Variants in ANKH observed in about 807,000 individuals in gnomAD.
ANKH encodes ANKH inorganic pyrophosphate transport regulator, also known as mineralization regulator ANKH.
A neutral mutation model predicts 49.0 loss-of-function variants in ANKH; 15 were observed. That is an observed-to-expected ratio of 0.31 (90% CI 0.20 to 0.47). The LOEUF is 0.47. ANKH is among the 20% of genes least tolerant of loss of function. ANKH has a pLI of 1.00. For synonymous variants in ANKH, 273 were observed against 260.0 expected (o/e 1.05, Z -0.48); for missense variants, 429 against 652.0 (o/e 0.66, Z 3.72).
intron 1 of ANKH, among the ~76,000 whole-genome samples, chr5:14,857,907 G>A (rs1346011152): frequency 6.6e-6 from 1 of 152,120 alleles, no homozygotes; most frequent in Non-Finnish European, 1.5e-5. Context: ...AGGGGTGTGG[G>A]GCCGCTCTGC....
intron 8 of ANKH, chr5:14,717,120 G>T (rs780809139): frequency 3.4e-5 from 14 of 410,432 alleles, no homozygotes; most frequent in Non-Finnish European, 6.0e-5. Flanking sequence ...GAGCAGACCC[G>T]TTCAGAACCA....
At chr5:14,793,630 G>A (rs1371107673) in intron 1 of ANKH, among the ~76,000 whole-genome samples, 2 of 152,210 alleles carry the variant, frequency 1.3e-5, no homozygotes, top group African/African-American at 4.8e-5. Flanking sequence ...AGGAATGGTG[G>A]CTGCAAATCT....
rs1324434792 is a variant in ANKH at position 14,709,362 on chromosome 5, G to A, written c.*1835C>T. On this transcript the variant is annotated 3_prime_UTR_variant, in exon 12 of 12. Transcript: ENST00000284268. Reference sequence around the variant, plus strand: ...TCTGAAACCACTGCAAAGCAGCTATGCAACTTAATTTTTCAGTACTCATAT... The same window carrying A: ...TCTGAAACCACTGCAAAGCAGCTATACAACTTAATTTTTCAGTACTCATAT... 6.6e-6 allele frequency: 1 copy of A among 152,086 alleles called. No individual in the cohort carries two copies. The highest frequency in any genetic ancestry group is 1.5e-5 in the Non-Finnish European group (1 of 68,028). 9.4% of individuals were successfully genotyped at this position (152,086 alleles called of 1,614,324 possible).
chr5:14,790,408 AAAACACT>A (rs1255013374), intron 1 of ANKH, among the ~76,000 whole-genome samples: 2 of 152,224 alleles, frequency 1.3e-5, no homozygotes, highest in Non-Finnish European at 2.9e-5. Flanking sequence ...CCAACTTTGA[AAAACACT>A]CAATCCACCT....
intron 1 of ANKH, among the ~76,000 whole-genome samples, chr5:14,849,244 T>C (rs1448146034): frequency 1.3e-5 from 2 of 152,218 alleles, no homozygotes; most frequent in Non-Finnish European, 2.9e-5. Context: ...AAAAGTCTTT[T>C]CTCTTCCATC....
intron 1 of ANKH, chr5:14,788,086 A>G (rs1179707120): frequency 6.6e-6 from 1 of 152,222 alleles, no homozygotes; most frequent in African/African-American, 2.4e-5. Flanking sequence ...GCTGGGTCCA[A>G]GAAGGCTTCT....
chr5:14,854,862 C>T (rs1217341197), intron 1 of ANKH, among the ~76,000 whole-genome samples: 1 of 152,126 alleles, frequency 6.6e-6, no homozygotes, highest in African/African-American at 2.4e-5. Context: ...GCCAGAATAG[C>T]CTCTTAACTG....
intron 1 of ANKH, among the ~76,000 whole-genome samples, chr5:14,811,710 C>G (rs1459199615): frequency 6.6e-6 from 1 of 152,186 alleles, no homozygotes; most frequent in Non-Finnish European, 1.5e-5. Flanking sequence ...TAGGGTCTAA[C>G]TCAAAGAGGA....
intron 6 of ANKH, 111 bp downstream of exon 6, chr5:14,749,061 T>C: frequency 6.8e-7 from 1 of 1,473,576 alleles, no homozygotes; most frequent in Non-Finnish European, 9.4e-7. Flanking sequence ...TGTCATGTAA[T>C]TTAATATTGG....
At chr5:14,849,827 G>C (rs916763423) in intron 1 of ANKH, among the ~76,000 whole-genome samples, 1 of 152,072 alleles carries the variant, frequency 6.6e-6, no homozygotes, top group Non-Finnish European at 1.5e-5. Flanking sequence ...ACGGTCACTC[G>C]GATGTGCATC....
At chr5:14,736,875 G>C (rs1322330626) in intron 8 of ANKH, among the ~76,000 whole-genome samples, 1 of 152,220 alleles carries the variant, frequency 6.6e-6, no homozygotes, top group Non-Finnish European at 1.5e-5. Flanking sequence ...CAGAGGCCAA[G>C]CCTGTGCTTT....
chr5:14,755,750 C>T, intron 4 of ANKH, 111 bp downstream of exon 4: 3 of 1,010,278 alleles, frequency 3.0e-6, no homozygotes, highest in East Asian at 4.9e-5. Flanking sequence ...CTGGCAAAAC[C>T]AGGTCGAATG....
chr5:14,835,567 C>T (rs1741628265), intron 1 of ANKH, among the ~76,000 whole-genome samples: 1 of 152,192 alleles, frequency 6.6e-6, no homozygotes. Flanking sequence ...GGTTACTATG[C>T]GTTTCTGGCT....
chr5:14,845,656 G>A (rs988020295), intron 1 of ANKH, among the ~76,000 whole-genome samples: 1 of 151,930 alleles, frequency 6.6e-6, no homozygotes, highest in Admixed American at 6.6e-5. Context: ...ATCCACCCAG[G>A]GTGCTAGGCG....
At chr5:14,855,102 C>T (rs1742218801) in intron 1 of ANKH, among the ~76,000 whole-genome samples, 3 of 152,218 alleles carry the variant, frequency 2.0e-5, no homozygotes, top group African/African-American at 7.2e-5. Flanking sequence ...TCCACTCATA[C>T]TAAGCATCTT....
At chr5:14,837,058 C>T (rs1352094179) in intron 1 of ANKH, among the ~76,000 whole-genome samples, 1 of 152,108 alleles carries the variant, frequency 6.6e-6, no homozygotes, top group East Asian at 1.9e-4. Context: ...GGAAAACTGG[C>T]TAGCCATATG....
At chr5:14,786,287 T>A (rs950139314) in intron 1 of ANKH, among the ~76,000 whole-genome samples, 3 of 152,144 alleles carry the variant, frequency 2.0e-5, no homozygotes, top group Admixed American at 6.5e-5. Flanking sequence ...AAATGAGACC[T>A]GAATAAATGG....
chr5:14,746,988 C>A (rs1479386995), intron 6 of ANKH, among the ~76,000 whole-genome samples: 2 of 152,200 alleles, frequency 1.3e-5, no homozygotes, highest in Non-Finnish European at 2.9e-5. Flanking sequence ...CCACACAGAA[C>A]CCTCTAGTCT....
intron 1 of ANKH, among the ~76,000 whole-genome samples, chr5:14,776,512 C>T (rs1739627792): frequency 6.6e-6 from 1 of 152,194 alleles, no homozygotes; most frequent in Non-Finnish European, 1.5e-5. Context: ...TAAATCTAAA[C>T]ACATGAAGGA....
Sources: gnomAD v4.1 joint callset for allele counts (sites outside exome capture counted in the v4.1 genomes callset) on GRCh38, gnomAD v4.1.1 for gene constraint, MANE v1.5 for transcripts, NCBI Gene and HGNC (gene_info 2026-07-23, HGNC 2026-07-21) for gene names.